AMD1: variants seen among roughly 807,000 people sequenced by gnomAD.
AMD1 encodes the protein S-adenosylmethionine decarboxylase proenzyme.
A neutral mutation model predicts 40.2 loss-of-function variants in AMD1; 11 were observed. The observed-to-expected ratio is 0.27, with a 90% CI of 0.17 to 0.45. The LOEUF is 0.45. AMD1 is among the 20% of genes least tolerant of loss of function. AMD1 has a pLI of 1.00. For missense variants in AMD1, 257 were observed against 410.2 expected, an observed-to-expected ratio of 0.63 and a Z score of 3.23; for synonymous variants, 121 against 130.8, an observed-to-expected ratio of 0.93 and a Z score of 0.51.
chr6:110,892,119 A>C (rs1236847812), intron 4 of AMD1, 42 bp from the exon 5 acceptor site: 4 of 1,600,868 alleles, frequency 2.5e-6, no homozygotes, highest in Non-Finnish European at 2.6e-6. Context: ...ATCCTATTAA[A>C]TGGATGTGTT....
At chr6:110,822,950 T>C in the AMD1 span, among the ~76,000 whole-genome samples, 3 of 151,950 alleles carry the variant, frequency 2.0e-5, no homozygotes. Flanking sequence ...ACCCTGTCTC[T>C]ACTAAAAATA....
the AMD1 span, among the ~76,000 whole-genome samples, chr6:110,827,719 C>G: frequency 2.0e-5 from 3 of 148,548 alleles, no homozygotes; most frequent in Admixed American, 1.4e-4. Flanking sequence ...GAGCTGAGAT[C>G]GTGCCACTGC....
chr6:110,858,353 G>T, the AMD1 span: 1 of 813,762 alleles, frequency 1.2e-6, no homozygotes, highest in South Asian at 1.4e-5. Flanking sequence ...CAGCTGGATC[G>T]AGGGACTCAC....
chr6:110,892,603 A>G (rs545077403), intron 6 of AMD1, 132 bp from the exon 7 acceptor site: 3 of 1,389,262 alleles, frequency 2.2e-6, no homozygotes, highest in South Asian at 2.6e-5. Context: ...TTCGTCACCC[A>G]GGTGTTAAGC....
chr6:110,847,042 A>AGTGTGTGTGT, the AMD1 span, among the ~76,000 whole-genome samples: 539 of 146,366 alleles, frequency 3.7e-3, 2 homozygotes, highest in Non-Finnish European at 4.8e-3. Flanking sequence ...GAACTAGGAG[A>AGTGTGTGTGT]GTGTGTGTGT....
At chr6:110,816,918 T>C in the AMD1 span, among the ~76,000 whole-genome samples, 95 of 152,282 alleles carry the variant, frequency 6.2e-4, no homozygotes, top group Non-Finnish European at 1.2e-3. Context: ...GGATGTAATA[T>C]AAGTGTCAAA....
In AMD1 at chr6:110,890,300, G is replaced by A; in HGVS notation, c.371G>A (p.Gly124Glu). 6.3e-7 allele frequency: 1 copy of A among 1,595,696 alleles called. No individual in the cohort carries two copies. Among genetic ancestry groups the A allele is most frequent in the Non-Finnish European group, 8.5e-7 (1 of 1,175,758 alleles). The change falls in exon 4 of 9, where the codon GGG becomes GAG. Residue 124 changes from glycine to glutamate, a missense_variant. Gly to Glu is a moderately conservative substitution (Grantham distance 98). Coordinates refer to ENST00000368885, the MANE Select transcript of AMD1 (RefSeq NM_001634.6). ...RKNFMKPSHQ[G>E]YPHRNFQEEI... ...AATTTCATGAAGCCTTCTCACCAAG[G>A]GTACCCACACCGGAATTTCCAGGAA...
rs780022295 is a variant in AMD1, at chr6:110,892,987, C to A, written c.786C>A (p.Thr262=). 1.9e-6 allele frequency: 3 copies of A among 1,613,964 alleles called. No homozygotes were observed. Among genetic ancestry groups the A allele is most frequent in the South Asian group, 1.1e-5 (1 of 91,070 alleles). Residue 262 remains threonine (T), a synonymous_variant, in exon 8 of 9, where the codon ACC becomes ACA. Transcript: ENST00000368885. ...GCTTTGAAACAAACTTAAGTCAGAC[C>A]TCCTATGATGACCTGATCAGGAAAG... The part of the protein sequence containing the change: ...YVSFETNLSQ[T]SYDDLIRKVV...
chr6:110,890,182 T>A, intron 3 of AMD1, 72 bp from the exon 4 acceptor site: 1 of 1,163,258 alleles, frequency 8.6e-7, no homozygotes, highest in East Asian at 2.5e-5. Flanking sequence ...AATAGTTGAT[T>A]AGCTTCGAAA....
chr6:110,844,508 G>A, the AMD1 span, among the ~76,000 whole-genome samples: 1 of 151,946 alleles, frequency 6.6e-6, no homozygotes, highest in East Asian at 2.0e-4. Context: ...TGGGCTGGGT[G>A]TGGTGGCTCA....
upstream of AMD1, among the ~76,000 whole-genome samples, chr6:110,874,454 AATC>A (rs1784985195): frequency 6.6e-6 from 1 of 151,478 alleles, no homozygotes; most frequent in Admixed American, 6.6e-5. Context: ...GTTTTCTGCT[AATC>A]ATTTTTTTTT....
the AMD1 span, among the ~76,000 whole-genome samples, chr6:110,845,038 C>CCT: frequency 8.2e-6 from 1 of 122,248 alleles, no homozygotes; most frequent in Non-Finnish European, 1.7e-5. Flanking sequence ...TGCCACAGAC[C>CCT]TTTTTTTTTT....
chr6:110,820,067 A>G, the AMD1 span, among the ~76,000 whole-genome samples: 2 of 152,286 alleles, frequency 1.3e-5, no homozygotes, highest in East Asian at 3.9e-4. Context: ...AAAACTTGTG[A>G]ATAATCCACC....
At chr6:110,875,244 C>G in intron 1 of AMD1, 29 bp downstream of exon 1, 5 of 1,555,222 alleles carry the variant, frequency 3.2e-6, no homozygotes, top group Non-Finnish European at 4.4e-6. Context: ...CGCTGACATC[C>G]GGGCCTGGGG....
the AMD1 span, among the ~76,000 whole-genome samples, chr6:110,823,372 C>G: frequency 2.0e-5 from 3 of 152,088 alleles, no homozygotes; most frequent in South Asian, 6.2e-4. Context: ...GAAGTACTAA[C>G]CAGATCCATC....
At chr6:110,869,354 G>A in the AMD1 span, among the ~76,000 whole-genome samples, 1 of 151,540 alleles carries the variant, frequency 6.6e-6, no homozygotes. Flanking sequence ...GGATGATCTC[G>A]ATCTCCTGAC....
rs1172178533 is a variant in AMD1, at chr6:110,893,454, GTTAT to G, written c.865-18_865-15del. ...CTTCTCTGGATTGCAAACACTAACGGTTATTTAATTTTTTCCCCCAGAGTTCTAA... is the reference window on the plus strand; with the variant it reads ...CTTCTCTGGATTGCAAACACTAACGGTTAATTTTTTCCCCCAGAGTTCTAA... On this transcript the variant is annotated intron_variant, in intron 8 of 8. Transcript: ENST00000368885. The G allele has an allele frequency of 6.2e-7, 1 of 1,612,724 alleles. No individual in the cohort carries two copies.
chr6:110,858,972 A>T, the AMD1 span: 2 of 1,129,502 alleles, frequency 1.8e-6, no homozygotes, highest in Non-Finnish European at 1.4e-6. Context: ...GTCGCTGCAG[A>T]TGGGCTACAC....
At chr6:110,886,075 T>C in intron 1 of AMD1, among the ~76,000 whole-genome samples, 1 of 151,814 alleles carries the variant, frequency 6.6e-6, no homozygotes, top group Non-Finnish European at 1.5e-5. Context: ...GCCAACATGG[T>C]GAAACCCTGT....
Sources: allele counts gnomAD v4.1 joint callset (sites outside exome capture counted in the v4.1 genomes callset), GRCh38; gene constraint gnomAD v4.1.1; transcripts MANE v1.5; gene names NCBI Gene and HGNC (gene_info 2026-07-23, HGNC 2026-07-21).